The following VWC2L variants were observed in gnomAD, a reference collection of about 807,000 sequenced individuals.
VWC2L encodes von Willebrand factor C domain containing 2 like, also known as von Willebrand factor C domain-containing protein 2-like.
Under a neutral mutation model 21.6 loss-of-function variants are expected in VWC2L, and 10 were observed. That is an observed-to-expected ratio of 0.46 (90% confidence interval 0.29 to 0.78). The LOEUF is 0.78. Among genes scored for constraint, VWC2L ranks in the 30% least tolerant of loss-of-function variants. The pLI is 0.10. For missense variants in VWC2L, 209 were observed against 277.1 expected (o/e 0.75, Z 1.74); for synonymous variants, 96 against 94.3 (o/e 1.02, Z -0.10).
At chr2:214,474,787 T>C (rs1559301709) in intron 3 of VWC2L, among the ~76,000 whole-genome samples, 1 of 152,136 alleles carries the variant, frequency 6.6e-6, no homozygotes, top group South Asian at 2.1e-4. Flanking sequence ...AGATAGCATA[T>C]GTAAAATGCT....
intron 3 of VWC2L, among the ~76,000 whole-genome samples, chr2:214,529,177 G>T (rs145486452): frequency 6.6e-6 from 1 of 152,250 alleles, no homozygotes; most frequent in East Asian, 1.9e-4. Flanking sequence ...CTTTCCCAAG[G>T]CCAGCTTTTG....
chr2:214,432,232 T>C (rs1702610884), intron 2 of VWC2L, among the ~76,000 whole-genome samples: 2 of 152,220 alleles, frequency 1.3e-5, no homozygotes, highest in South Asian at 2.1e-4. Flanking sequence ...ATCTGTCATG[T>C]GCTAAGATGT....
At chr2:214,454,819 G>A (rs150376219) in intron 3 of VWC2L, among the ~76,000 whole-genome samples, 2,669 of 151,812 alleles carry the variant, frequency 0.018, 41 homozygotes, top group Middle Eastern at 0.068. Context: ...AGCCAGGATG[G>A]TCTTGATTTC....
chr2:214,537,932 G>A (rs551470150), intron 3 of VWC2L, among the ~76,000 whole-genome samples: 59 of 139,644 alleles, frequency 4.2e-4, no homozygotes, highest in African/African-American at 1.3e-3. Flanking sequence ...GGCTTGCCAC[G>A]TGTAAGATTT....
chr2:214,437,165 G>A (rs1702690169), intron 3 of VWC2L, among the ~76,000 whole-genome samples: 1 of 152,108 alleles, frequency 6.6e-6, no homozygotes, highest in Non-Finnish European at 1.5e-5. Context: ...TGTTTTGAAT[G>A]TAGATAAGAC....
intron 3 of VWC2L, among the ~76,000 whole-genome samples, chr2:214,573,100 A>G (rs537841131): frequency 6.6e-6 from 1 of 152,302 alleles, no homozygotes; most frequent in East Asian, 1.9e-4. Context: ...CCAGAGCTCT[A>G]GTAAAATATC....
At chr2:214,554,469 G>A (rs1689844169) in intron 3 of VWC2L, among the ~76,000 whole-genome samples, 1 of 152,074 alleles carries the variant, frequency 6.6e-6, no homozygotes, top group Admixed American at 6.6e-5. Context: ...TTCAAGACCG[G>A]CCTGAATAAC....
intron 3 of VWC2L, among the ~76,000 whole-genome samples, chr2:214,466,523 G>A (rs983590745): frequency 2.6e-5 from 4 of 152,116 alleles, no homozygotes; most frequent in Admixed American, 2.6e-4. Context: ...TGTGAAATTT[G>A]AAAATTATTC....
chr2:214,524,060 G>A (rs573122916), intron 3 of VWC2L, among the ~76,000 whole-genome samples: 2 of 152,028 alleles, frequency 1.3e-5, no homozygotes, highest in Non-Finnish European at 2.9e-5. Flanking sequence ...TATTACAAGA[G>A]AACAAAATTT....
At position 214,566,297 on chromosome 2, in the gene VWC2L, A is replaced by G. The variant is rs115673446; in HGVS notation, c.521-9375A>G. Among the ~76,000 whole-genome samples, 915 of 152,306 alleles carry G rather than the reference A, an allele frequency of 6.0e-3. 9 individuals carry two copies. Among genetic ancestry groups the G allele is most frequent in the African/African-American group, 0.021 (883 of 41,566 alleles). On this transcript the variant is annotated intron_variant, in intron 3 of 3. Transcript: ENST00000312504. Reference sequence around the variant, plus strand: ...CTATGCCAGGTTCTCAGAGCCTGCGAATTTTCCTGAAATTAGGAAAAGAGC... The same window carrying G: ...CTATGCCAGGTTCTCAGAGCCTGCGGATTTTCCTGAAATTAGGAAAAGAGC...
chr2:214,419,666 T>A (rs1481822147), intron 2 of VWC2L, among the ~76,000 whole-genome samples: 1 of 152,198 alleles, frequency 6.6e-6, no homozygotes, highest in African/African-American at 2.4e-5. Flanking sequence ...CTTTGTGTTT[T>A]TCCCACTATG....
chr2:214,459,591 T>C (rs1703109139), intron 3 of VWC2L, among the ~76,000 whole-genome samples: 1 of 152,186 alleles, frequency 6.6e-6, no homozygotes, highest in South Asian at 2.1e-4. Context: ...AGGGTTGATA[T>C]TGTCCTTTCA....
chr2:214,570,640 G>C (rs1690136536), intron 3 of VWC2L, among the ~76,000 whole-genome samples: 1 of 152,060 alleles, frequency 6.6e-6, no homozygotes, highest in Non-Finnish European at 1.5e-5. Context: ...TGGGATTACA[G>C]GCGTGAGCCA....
intron 3 of VWC2L, among the ~76,000 whole-genome samples, chr2:214,546,055 T>C (rs1404044087): frequency 6.6e-6 from 1 of 152,164 alleles, no homozygotes; most frequent in Non-Finnish European, 1.5e-5. Flanking sequence ...TGGTATCACA[T>C]GCCAGAACAT....
chr2:214,528,663 A>G (rs2105914880), intron 3 of VWC2L, among the ~76,000 whole-genome samples: 1 of 152,158 alleles, frequency 6.6e-6, no homozygotes, highest in African/African-American at 2.4e-5. Context: ...CCAGATCACT[A>G]CAGAGCAAAG....
chr2:214,520,058 T>TACAC (rs60850327), intron 3 of VWC2L, among the ~76,000 whole-genome samples: 5,452 of 143,008 alleles, frequency 0.038, 120 homozygotes, highest in South Asian at 0.074. Flanking sequence ...GCTCCTGTTA[T>TACAC]ACACACACAC....
In VWC2L at chr2:214,575,818, T is replaced by C. The variant is rs1441002504; in HGVS notation, c.667T>C (p.Ter223GlnextTer43). Reference protein sequence around the residue: ...KRECQGKQTV* With the variant: ...KRECQGKQTVQ ...TGAATGCCAAGGCAAGCAGACTGTG[T>C]AGGACAAACTTCCACCCAATGATGA... The change falls in exon 4 of 4, where the codon TAG (stop) becomes CAG (glutamine). Residue 223 changes from the stop codon to glutamine, a stop_lost. Coordinates refer to ENST00000312504, the MANE Select transcript of VWC2L (RefSeq NM_001080500.4). 6.2e-7 allele frequency: 1 copy of C among 1,611,994 alleles called. No homozygotes were observed. Among genetic ancestry groups the C allele is most frequent in the Non-Finnish European group, 8.5e-7 (1 of 1,178,386 alleles).
At chr2:214,517,520 C>T (rs1190602171) in intron 3 of VWC2L, among the ~76,000 whole-genome samples, 1 of 152,166 alleles carries the variant, frequency 6.6e-6, no homozygotes, top group Admixed American at 6.5e-5. Flanking sequence ...AGTATTTCTT[C>T]TTTAGGTTCC....
intron 3 of VWC2L, among the ~76,000 whole-genome samples, chr2:214,537,707 A>G (rs564244739): frequency 6.6e-6 from 1 of 152,238 alleles, no homozygotes; most frequent in South Asian, 2.1e-4. Context: ...CGTACCACAT[A>G]ATTATATAAC....
Sources: gnomAD v4.1 joint callset for allele counts (sites outside exome capture counted in the v4.1 genomes callset) on GRCh38, gnomAD v4.1.1 for gene constraint, MANE v1.5 for transcripts, NCBI Gene and HGNC (gene_info 2026-07-23, HGNC 2026-07-21) for gene names.